Variants in DYNLT5 observed in about 807,000 individuals in gnomAD.
DYNLT5 encodes the protein dynein light chain Tctex-type family member 5, also known as dynein light chain Tctex-type 5.
DYNLT5 carries 25 observed loss-of-function variants against 19.3 expected under a neutral mutation model. The ratio of observed to expected loss-of-function variants is 1.30; its 90% CI spans 0.95 to 1.81. The LOEUF is 1.81. Among genes scored for constraint, DYNLT5 ranks in the 40% most tolerant of loss-of-function variants. DYNLT5 has a pLI of 0.00. For missense variants in DYNLT5, 232 were observed against 217.9 expected, an observed-to-expected ratio of 1.06 and a Z score of -0.41; for synonymous variants, 82 against 68.9, an observed-to-expected ratio of 1.19 and a Z score of -0.94.
chr1:66,776,423 A>G lies in DYNLT5; in HGVS notation c.336+20A>G, dbSNP rs762433701. ...TCTGAGGTACGTGTGTGATTTGCCCAAAGTGTTAACAATAGCTAGAATATT... is the reference window on the plus strand; with the variant it reads ...TCTGAGGTACGTGTGTGATTTGCCCGAAGTGTTAACAATAGCTAGAATATT... On this transcript the variant is annotated intron_variant, in intron 4 of 4. Coordinates refer to ENST00000282670, the MANE Select transcript of DYNLT5 (RefSeq NM_152665.3). 6 of 1,587,608 alleles carry G rather than the reference A, an allele frequency of 3.8e-6. No homozygotes were observed. The highest frequency in any genetic ancestry group is 2.3e-5 in the East Asian group (1 of 44,264).
At chr1:66,770,527 C>G in intron 3 of DYNLT5, 49 bp downstream of exon 3, 1 of 1,330,512 alleles carries the variant, frequency 7.5e-7, no homozygotes, top group Non-Finnish European at 1.1e-6. Context: ...AAATTGGTGA[C>G]TGATTCTCTT....
At chr1:66,757,846 C>T (rs1249035894) in intron 2 of DYNLT5, among the ~76,000 whole-genome samples, 3 of 152,288 alleles carry the variant, frequency 2.0e-5, no homozygotes, top group East Asian at 1.9e-4. Flanking sequence ...ATTCAAATCT[C>T]TATATGCATA....
At chr1:66,758,030 A>G (rs2094639438) in intron 2 of DYNLT5, among the ~76,000 whole-genome samples, 1 of 152,222 alleles carries the variant, frequency 6.6e-6, no homozygotes, top group Non-Finnish European at 1.5e-5. Context: ...CTATAAAGAT[A>G]GATGTTATTA....
chr1:66,774,440 C>T (rs1281730782), intron 3 of DYNLT5, among the ~76,000 whole-genome samples: 2 of 152,030 alleles, frequency 1.3e-5, no homozygotes, highest in South Asian at 2.1e-4. Flanking sequence ...CACCCTTCCA[C>T]GATTTAAGTG....
At chr1:66,773,118 T>C (rs1216490832) in intron 3 of DYNLT5, among the ~76,000 whole-genome samples, 2 of 152,204 alleles carry the variant, frequency 1.3e-5, no homozygotes. Context: ...ATGATATTCA[T>C]TGTAACTTCA....
Position 66,777,685 on chromosome 1 carries a change from T to TCC in DYNLT5, c.*231_*232insCC. ...GAACTTGATCTTGGTTTTGCTGGATTGCTTTCCATAGACATAGATTCTTAT... is the reference window on the plus strand; with the variant it reads ...GAACTTGATCTTGGTTTTGCTGGATTCCGCTTTCCATAGACATAGATTCTTAT... On this transcript the variant is annotated 3_prime_UTR_variant, in exon 5 of 5. Coordinates refer to ENST00000282670, the MANE Select transcript of DYNLT5 (RefSeq NM_152665.3). The TCC allele has an allele frequency of 5.0e-6, 2 of 396,366 alleles. No homozygotes were observed. Among genetic ancestry groups the TCC allele is most frequent in the Non-Finnish European group, 9.0e-6 (2 of 221,340 alleles). The allele number at this position is 396,366 out of a possible 1,614,324, so 24.6% of individuals were successfully genotyped here. A position where few individuals can be genotyped will look rare whatever the true frequency, so the allele number is the denominator to read the frequency against.
chr1:66,776,386 A>C lies in DYNLT5; in HGVS notation c.319A>C (p.Thr107Pro). The change falls in exon 4 of 5, where the codon ACT becomes CCT. Residue 107 changes from threonine (T) to proline (P), a missense_variant. Physicochemically the swap from Thr to Pro is conservative, Grantham distance 38 (BLOSUM62 -1). Transcript: ENST00000282670. ...EYEPELCRQM[T>P]KTISEVIKAQ... ...TGAACCAGAGCTCTGTAGACAGATG[A>C]CTAAAACCATTTCTGAGGTACGTGT... The C allele has an allele frequency of 6.2e-7, 1 of 1,601,178 alleles. No homozygotes were observed. The highest frequency in any genetic ancestry group is 8.5e-7 in the Non-Finnish European group (1 of 1,172,976).
intron 2 of DYNLT5, among the ~76,000 whole-genome samples, chr1:66,763,504 G>C (rs372895133): frequency 6.6e-6 from 1 of 152,174 alleles, no homozygotes; most frequent in South Asian, 2.1e-4. Flanking sequence ...CATCTACATG[G>C]AAAATCTGTT....
chr1:66,775,448 TTATC>T (rs1191035267), intron 3 of DYNLT5: 2 of 152,216 alleles, frequency 1.3e-5, no homozygotes, highest in Non-Finnish European at 2.9e-5. Flanking sequence ...TATATAATGA[TTATC>T]TATAAAATTT....
chr1:66,764,309 C>G (rs1356186067), intron 2 of DYNLT5, among the ~76,000 whole-genome samples: 1 of 152,236 alleles, frequency 6.6e-6, no homozygotes, highest in Non-Finnish European at 1.5e-5. Flanking sequence ...TTCCTCACCA[C>G]ACTTGGTTAT....
chr1:66,777,431 G>A lies in DYNLT5; in HGVS notation c.517G>A (p.Val173Ile). The change falls in exon 5 of 5, where the codon GTC becomes ATC. Residue 173 changes from valine to isoleucine, a missense_variant. Physicochemically the swap from Val to Ile is conservative, Grantham distance 29 (BLOSUM62 3). Transcript: ENST00000282670. ...RNSSLFALAN[V>I]YAVYLE is the part of the protein sequence containing the mutation. ...TTCTTCTCTCTTCGCTCTTGCAAAT[G>A]TCTATGCAGTTTACCTTGAGTGATT... 1.9e-6 allele frequency: 3 copies of A among 1,613,608 alleles called. No individual in the cohort carries two copies. Among genetic ancestry groups the A allele is most frequent in the Middle Eastern group, 1.7e-4 (1 of 6,054 alleles).
intron 2 of DYNLT5, chr1:66,755,758 C>G (rs945678802): frequency 3.3e-5 from 5 of 152,186 alleles, no homozygotes; most frequent in Admixed American, 3.3e-4. Context: ...AATCCCAGCA[C>G]ATGTCAGAAG....
At chr1:66,768,717 A>T (rs530538897) in intron 2 of DYNLT5, 5 of 152,238 alleles carry the variant, frequency 3.3e-5, no homozygotes, top group African/African-American at 1.2e-4. Context: ...GGTGTTCAGT[A>T]GAAAAGAAAT....
chr1:66,771,666 T>G (rs1645204987), intron 3 of DYNLT5, among the ~76,000 whole-genome samples: 1 of 152,198 alleles, frequency 6.6e-6, no homozygotes, highest in Non-Finnish European at 1.5e-5. Flanking sequence ...TTGGCTACCC[T>G]TTAACTTTTC....
rs1337236540 is a variant in DYNLT5, at chr1:66,777,460, AATAAGAAATCT to A, written c.*8_*18del. On this transcript the variant is annotated 3_prime_UTR_variant, in exon 5 of 5. Coordinates refer to ENST00000282670, the MANE Select transcript of DYNLT5 (RefSeq NM_152665.3). ...ATGCAGTTTACCTTGAGTGATTGAAAATAAGAAATCTAGCTCTTACTTTTGAAAATTCTGAG... is the reference window on the plus strand; with the variant it reads ...ATGCAGTTTACCTTGAGTGATTGAAAAGCTCTTACTTTTGAAAATTCTGAG... 1 of 1,610,600 alleles carries A rather than the reference AATAAGAAATCT, an allele frequency of 6.2e-7. No homozygotes were observed. The highest frequency in any genetic ancestry group is 8.5e-7 in the Non-Finnish European group (1 of 1,178,026).
chr1:66,756,565 G>A (rs1342655199), intron 2 of DYNLT5, among the ~76,000 whole-genome samples: 2 of 152,154 alleles, frequency 1.3e-5, no homozygotes. Flanking sequence ...TTTCAATAAT[G>A]TAAAACATTC....
At chr1:66,767,738 C>G (rs182823226) in intron 2 of DYNLT5, among the ~76,000 whole-genome samples, 1 of 152,166 alleles carries the variant, frequency 6.6e-6, no homozygotes, top group Non-Finnish European at 1.5e-5. Context: ...TCAGAGGCTT[C>G]TTTCTTATCT....
At chr1:66,761,709 C>T (rs1041589532) in intron 2 of DYNLT5, among the ~76,000 whole-genome samples, 1 of 152,072 alleles carries the variant, frequency 6.6e-6, no homozygotes, top group Non-Finnish European at 1.5e-5. Flanking sequence ...GCCTGGGAGG[C>T]TGAGGTTGCA....
intron 2 of DYNLT5, among the ~76,000 whole-genome samples, chr1:66,755,307 G>A (rs1444275248): frequency 6.6e-6 from 1 of 151,862 alleles, no homozygotes. Context: ...CTATATGTCT[G>A]TGCTTGGTCA....
Sources: gnomAD v4.1 joint callset for allele counts (sites outside exome capture counted in the v4.1 genomes callset) on GRCh38, gnomAD v4.1.1 for gene constraint, MANE v1.5 for transcripts, NCBI Gene and HGNC (gene_info 2026-07-23, HGNC 2026-07-21) for gene names.